The following CFAP74 variants were observed in gnomAD, a reference collection of about 807,000 sequenced individuals.
The protein encoded by CFAP74 is cilia- and flagella-associated protein 74.
In CFAP74, 124 loss-of-function variants were observed where a neutral mutation model predicts 188.9. That is an observed-to-expected ratio of 0.66 (90% confidence interval 0.57 to 0.76). The LOEUF (loss-of-function observed/expected upper bound fraction) is 0.76, where lower values mean the gene tolerates loss of function less well. Among genes scored for constraint, CFAP74 ranks in the 30% least tolerant of loss-of-function variants. CFAP74 has a pLI of 0.00. For missense variants in CFAP74, 2,198 were observed against 2,165.2 expected (o/e 1.02, Z -0.30); for synonymous variants, 956 against 916.7 (o/e 1.04, Z -0.77).
At chr1:1,981,239 C>T (rs976391570) in intron 6 of CFAP74, among the ~76,000 whole-genome samples, 21 of 152,238 alleles carry the variant, frequency 1.4e-4, no homozygotes, top group Admixed American at 3.9e-4. Context: ...CTGCACCCAG[C>T]CGTCCAGTGC....
At chr1:1,979,721 C>G (rs1420723410) in intron 6 of CFAP74, among the ~76,000 whole-genome samples, 1 of 124,968 alleles carries the variant, frequency 8.0e-6, no homozygotes, top group African/African-American at 2.9e-5. Flanking sequence ...TCATGCTGAG[C>G]TGGGTGTGGG....
chr1:1,928,761 C>T (rs2102033132), intron 27 of CFAP74, 23 bp downstream of exon 27: 1 of 1,515,046 alleles, frequency 6.6e-7, no homozygotes, highest in East Asian at 2.5e-5. Context: ...GACCTACGCC[C>T]CTCCTTCCCG....
intron 13 of CFAP74, among the ~76,000 whole-genome samples, chr1:1,964,514 G>A (rs1655318245): frequency 6.6e-6 from 1 of 152,238 alleles, no homozygotes. Context: ...GGCAGGCCAG[G>A]CGCAGTGGCT....
In CFAP74 at chr1:1,923,933, C is replaced by T. The variant is rs756214005; in HGVS notation, c.4235-4G>A. ...TGACCGTTGAGATTCTGCGTCCCTGCGGGTAGGGTGGGGTGCAGTTTGGCC... is the reference window on the plus strand; with the variant it reads ...TGACCGTTGAGATTCTGCGTCCCTGTGGGTAGGGTGGGGTGCAGTTTGGCC... On this transcript the variant is annotated splice_region_variant and splice_polypyrimidine_tract_variant and intron_variant, in intron 34 of 38. Transcript: ENST00000682832. The surrounding 1 kb of genome is among the most constrained non-coding windows in gnomAD (Gnocchi z 6.3). The T allele has an allele frequency of 2.6e-5, 42 of 1,605,532 alleles. No homozygotes were observed. The Middle Eastern group carries it at 9.9e-4, about 38-fold the overall frequency.
Position 1,930,191 on chromosome 1 carries a change from G to A in CFAP74, c.3157C>T (p.Pro1053Ser). The change falls in exon 26 of 39, where the codon CCG becomes TCG. Residue 1053 changes from proline to serine, a missense_variant. Pro to Ser is a moderately conservative substitution (Grantham distance 74). Coordinates refer to ENST00000682832, the MANE Select transcript of CFAP74 (RefSeq NM_001304360.2). Reference protein sequence around the residue: ...VINSHLSMSSPTHSKPRIGSE... With the variant: ...VINSHLSMSSSTHSKPRIGSE... ...CCAATGCGGGGCTTGGAGTGGGTCG[G>A]TGAGCTCATGCTCAGGTGAGAGTTG... 6.5e-7 allele frequency: 1 copy of A among 1,535,752 alleles called. No homozygotes were observed. The highest frequency in any genetic ancestry group is 8.7e-7 in the Non-Finnish European group (1 of 1,146,750).
rs1468448837 is a variant in CFAP74, at chr1:1,942,211, C to T, written c.2487-55G>A. 33 of 1,408,540 alleles carry T rather than the reference C, an allele frequency of 2.3e-5. No individual in the cohort carries two copies. The highest frequency in any genetic ancestry group is 1.4e-4 in the East Asian group (5 of 36,794). 87.3% of individuals were successfully genotyped at this position (1,408,540 alleles called of 1,614,324 possible). A position where few individuals can be genotyped will look rare whatever the true frequency, so the allele number is the denominator to read the frequency against. ...GGTGCCACAGTCGTGATTCTGTGTG[C>T]GCTCAATGCCTGGAGTTATTAAAAC... On this transcript the variant is annotated intron_variant, in intron 21 of 38. Transcript: ENST00000682832. This position sits in a 1 kb window ranked among gnomAD's most constrained non-coding sequence, Gnocchi z 4.3.
chr1:1,951,850 C>G (rs1654219609), intron 18 of CFAP74, among the ~76,000 whole-genome samples: 1 of 132,112 alleles, frequency 7.6e-6, no homozygotes, highest in African/African-American at 2.4e-5. Flanking sequence ...ATGAGTGGAT[C>G]ACTTGAGGTC....
chr1:1,998,655 G>C (rs7542825), intron 1 of CFAP74, among the ~76,000 whole-genome samples: 1 of 151,892 alleles, frequency 6.6e-6, no homozygotes, highest in Non-Finnish European at 1.5e-5. Context: ...TGGGCAGATC[G>C]TGAGGTCAGG....
chr1:1,934,979 G>A (rs1652767012), intron 25 of CFAP74, among the ~76,000 whole-genome samples: 1 of 87,210 alleles, frequency 1.1e-5, no homozygotes, highest in African/African-American at 4.2e-5. Flanking sequence ...GTGTACGTGG[G>A]TGTTAGGTTG....
rs112890330 is a variant in CFAP74, at chr1:1,951,946, C to T, written c.2176+3745G>A. Among the ~76,000 whole-genome samples, 1,509 of 152,276 alleles carry T rather than the reference C, an allele frequency of 9.9e-3. 29 individuals are homozygous for T. The highest frequency in any genetic ancestry group is 0.032 in the African/African-American group (1,324 of 41,550). ...TTCAGGCTGAAAGAGCATCGGTGAG[C>T]GGCCAACGCACAGGCAGCCTCCCTC... On this transcript the variant is annotated intron_variant, in intron 18 of 38. Transcript: ENST00000682832.
intron 32 of CFAP74, 87 bp downstream of exon 32, chr1:1,926,141 A>T (rs1651871389): frequency 6.9e-7 from 1 of 1,449,160 alleles, no homozygotes; most frequent in Middle Eastern, 2.2e-4. Context: ...GCCTGAGCAC[A>T]GGTGATGCCC....
intron 21 of CFAP74, among the ~76,000 whole-genome samples, chr1:1,943,289 C>T (rs369884397): frequency 2.3e-4 from 35 of 152,302 alleles, no homozygotes; most frequent in South Asian, 1.7e-3. Context: ...ATGCCGGAGG[C>T]GAGCAGACTC....
chr1:1,941,950 T>G (rs1570868841), intron 22 of CFAP74, 78 bp downstream of exon 22: 2 of 1,341,134 alleles, frequency 1.5e-6, no homozygotes, highest in East Asian at 2.8e-5. Flanking sequence ...AACAGAGGAG[T>G]GGCCAGTGGC....
chr1:1,965,959 G>A (rs1488398209), intron 12 of CFAP74, among the ~76,000 whole-genome samples: 1 of 152,240 alleles, frequency 6.6e-6, no homozygotes, highest in Non-Finnish European at 1.5e-5. Context: ...CCCAGCGCCA[G>A]ATGGGGCATG....
At chr1:1,966,050 G>C (rs1012025542) in intron 12 of CFAP74, among the ~76,000 whole-genome samples, 2 of 152,256 alleles carry the variant, frequency 1.3e-5, no homozygotes, top group Non-Finnish European at 2.9e-5. Flanking sequence ...GAGTAGCTCA[G>C]AGTCATTCCC....
chr1:1,979,190 C>G (rs1410042661), intron 6 of CFAP74, among the ~76,000 whole-genome samples: 3 of 49,760 alleles, frequency 6.0e-5, no homozygotes, highest in East Asian at 6.9e-4. Flanking sequence ...ACACGTGTGT[C>G]GTGCTGAGCT....
At chr1:1,944,900 C>A (rs974941714) in intron 20 of CFAP74, among the ~76,000 whole-genome samples, 2 of 152,182 alleles carry the variant, frequency 1.3e-5, no homozygotes, top group African/African-American at 4.8e-5. Flanking sequence ...GCCACTGCGC[C>A]CGGCCAAATA....
chr1:1,954,906 C>CA (rs200873200), intron 18 of CFAP74: 390,536 of 1,182,036 alleles, frequency 0.33, 71,332 homozygotes, highest in African/African-American at 0.55. Context: ...CAGTGCAGAA[C>CA]GGCCTTCGCA....
chr1:1,971,434 C>A (rs7366028), intron 9 of CFAP74, among the ~76,000 whole-genome samples: 1 of 152,158 alleles, frequency 6.6e-6, no homozygotes. Flanking sequence ...CACATGCAAA[C>A]GTGCACACAC....
Sources: gnomAD v4.1 joint callset for allele counts (sites outside exome capture counted in the v4.1 genomes callset) on GRCh38, gnomAD v4.1.1 for gene constraint, Gnocchi (gnomAD v3.1) non-coding constraint, MANE v1.5 for transcripts, NCBI Gene and HGNC (gene_info 2026-07-23, HGNC 2026-07-21) for gene names.